The following CCDC102B variants were observed in gnomAD, a reference collection of about 807,000 sequenced individuals.
The protein encoded by CCDC102B is coiled-coil domain containing 102B.
Under a neutral mutation model 57.4 loss-of-function variants are expected in CCDC102B, and 75 were observed. That is an observed-to-expected ratio of 1.31 (90% CI 1.08 to 1.58). CCDC102B has a LOEUF of 1.58. Ranked by LOEUF, CCDC102B falls within the 40% of genes most tolerant of loss-of-function variation. The pLI is 0.00. For synonymous variants in CCDC102B, 206 were observed against 201.9 expected (o/e 1.02, Z -0.17); for missense variants, 636 against 582.6 (o/e 1.09, Z -0.94).
At chr18:68,871,552 TTTAA>T (rs755103160) in intron 4 of CCDC102B, among the ~76,000 whole-genome samples, 2 of 152,154 alleles carry the variant, frequency 1.3e-5, no homozygotes, top group African/African-American at 4.8e-5. Context: ...AGTATAGTTG[TTTAA>T]TTAATCTGTT....
At chr18:68,723,375 G>A (rs763013170) in intron 2 of CCDC102B, among the ~76,000 whole-genome samples, 18 of 152,104 alleles carry the variant, frequency 1.2e-4, no homozygotes, top group Middle Eastern at 6.8e-3. Context: ...CTTTCCCACA[G>A]CCCCCTACGT....
intron 6 of CCDC102B, among the ~76,000 whole-genome samples, chr18:68,965,861 C>T (rs758836861): frequency 1.3e-5 from 2 of 152,054 alleles, no homozygotes; most frequent in Non-Finnish European, 2.9e-5. Context: ...GACACTACTT[C>T]AGTGGGTGAA....
chr18:68,749,984 T>C (rs2033782968), intron 2 of CCDC102B, among the ~76,000 whole-genome samples: 1 of 151,744 alleles, frequency 6.6e-6, no homozygotes, highest in Admixed American at 6.6e-5. Flanking sequence ...ACCATCAGAG[T>C]GAACAGGCAA....
At chr18:68,962,294 A>C (rs1296874696) in intron 6 of CCDC102B, among the ~76,000 whole-genome samples, 3 of 152,032 alleles carry the variant, frequency 2.0e-5, no homozygotes, top group African/African-American at 7.2e-5. Flanking sequence ...ACAAACCTAT[A>C]TTTTGAGTCT....
At chr18:68,891,925 G>A (rs1010914580) in intron 5 of CCDC102B, among the ~76,000 whole-genome samples, 4 of 152,154 alleles carry the variant, frequency 2.6e-5, no homozygotes, top group African/African-American at 9.7e-5. Flanking sequence ...TAACAGTTGG[G>A]TAGGATTTTC....
chr18:68,938,833 T>C (rs1292683842), intron 6 of CCDC102B, among the ~76,000 whole-genome samples: 1 of 151,696 alleles, frequency 6.6e-6, no homozygotes, highest in Non-Finnish European at 1.5e-5. Flanking sequence ...CCTATCTAGA[T>C]ACCTCATATA....
intron 1 of CCDC102B, among the ~76,000 whole-genome samples, chr18:68,827,851 G>A (rs938506764): frequency 2.0e-5 from 3 of 151,740 alleles, no homozygotes; most frequent in Non-Finnish European, 4.4e-5. Context: ...GAAAATAAAA[G>A]GATGGAAAAA....
chr18:68,842,446 C>T (rs2037676011), intron 3 of CCDC102B, among the ~76,000 whole-genome samples: 1 of 152,120 alleles, frequency 6.6e-6, no homozygotes, highest in Admixed American at 6.6e-5. Flanking sequence ...GAAACAGAGT[C>T]TACACCTGTG....
At chr18:68,917,222 G>A (rs1163672767) in intron 6 of CCDC102B, among the ~76,000 whole-genome samples, 1 of 151,912 alleles carries the variant, frequency 6.6e-6, no homozygotes, top group Non-Finnish European at 1.5e-5. Flanking sequence ...TGAAGGGAGA[G>A]CATTGGTTTG....
chr18:69,046,186 A>G (rs922684943), intron 7 of CCDC102B, among the ~76,000 whole-genome samples: 2 of 152,146 alleles, frequency 1.3e-5, no homozygotes, highest in African/African-American at 4.8e-5. Flanking sequence ...CTGCTTTCCC[A>G]GAATGGCTGA....
chr18:69,054,426 G>A lies in CCDC102B; in HGVS notation c.*289G>A. On this transcript the variant is annotated 3_prime_UTR_variant, in exon 8 of 8. Coordinates refer to ENST00000360242, the MANE Select transcript of CCDC102B (RefSeq NM_024781.3). The stretch of plus-strand genomic sequence containing the variant: ...TCAGAATACTTTTTACATAAAATCT[G>A]AAAGAGTTATAATATCGGTAAGAAA... 1 of 1,064,064 alleles carries A rather than the reference G, an allele frequency of 9.4e-7. No individual in the cohort carries two copies. 65.9% of individuals were successfully genotyped at this position (1,064,064 alleles called of 1,614,324 possible). A position where few individuals can be genotyped will look rare whatever the true frequency, so the allele number is the denominator to read the frequency against.
intron 6 of CCDC102B, among the ~76,000 whole-genome samples, chr18:68,992,164 A>C (rs4891717): frequency 0.86 from 130,998 of 152,070 alleles, 58,278 homozygotes; most frequent in Non-Finnish European, 0.97. Flanking sequence ...ACATTTAAGT[A>C]ATCTAAACAA....
At position 68,731,704 on chromosome 18, in the gene CCDC102B, T is replaced by C. The variant is rs576335559; in HGVS notation, c.-67+15110T>C. Among the ~76,000 whole-genome samples, 3 of 144,178 alleles carry C rather than the reference T, an allele frequency of 2.1e-5. No homozygotes were observed. The South Asian group carries it at 6.4e-4, about 31-fold the overall frequency. The allele number at this position is 144,178 out of a possible 152,430, so 94.6% of individuals were successfully genotyped here. ...ATAAACAATTTTGTCTATGTGTGTATATAATATAATATATGTTATATGATC... is the reference window on the plus strand; with the variant it reads ...ATAAACAATTTTGTCTATGTGTGTACATAATATAATATATGTTATATGATC... On this transcript the variant is annotated intron_variant, in intron 2 of 3. Transcript: ENST00000578970.
intron 6 of CCDC102B, among the ~76,000 whole-genome samples, chr18:68,942,064 A>G (rs974471437): frequency 2.0e-5 from 3 of 152,114 alleles, no homozygotes; most frequent in Admixed American, 1.3e-4. Flanking sequence ...ATACACAGTC[A>G]TAATGGAATA....
At chr18:68,743,711 A>G (rs626825) in intron 2 of CCDC102B, among the ~76,000 whole-genome samples, 149,779 of 152,288 alleles carry the variant, frequency 0.98, 73,700 homozygotes, top group East Asian at 1. Flanking sequence ...TTGAGGGAAG[A>G]CTTGGGAGTA....
intron 6 of CCDC102B, among the ~76,000 whole-genome samples, chr18:68,949,289 T>C (rs568249724): frequency 2.6e-5 from 4 of 152,078 alleles, no homozygotes; most frequent in African/African-American, 4.8e-5. Flanking sequence ...CCATCACAGC[T>C]GGTGAAAGTT....
chr18:69,016,777 A>T (rs2051680204), intron 7 of CCDC102B, among the ~76,000 whole-genome samples: 1 of 152,202 alleles, frequency 6.6e-6, no homozygotes, highest in Non-Finnish European at 1.5e-5. Context: ...TTCCCAATAT[A>T]ACTCTGCCAT....
intron 6 of CCDC102B, among the ~76,000 whole-genome samples, chr18:68,995,251 A>T (rs563596807): frequency 7.9e-5 from 12 of 152,330 alleles, no homozygotes; most frequent in African/African-American, 2.6e-4. Flanking sequence ...TGACAATGCT[A>T]TAGAAAAGAA....
At chr18:68,988,077 G>A (rs1160841837) in intron 6 of CCDC102B, among the ~76,000 whole-genome samples, 1 of 152,092 alleles carries the variant, frequency 6.6e-6, no homozygotes, top group Non-Finnish European at 1.5e-5. Context: ...CGATTCTATT[G>A]TAAAGACACA....
Sources: allele counts gnomAD v4.1 joint callset (sites outside exome capture counted in the v4.1 genomes callset), GRCh38; gene constraint gnomAD v4.1.1; transcripts MANE v1.5; gene names NCBI Gene and HGNC (gene_info 2026-07-23, HGNC 2026-07-21).